Variants in PIEZO2 observed in about 807,000 individuals in gnomAD.
The protein encoded by PIEZO2 is piezo-type mechanosensitive ion channel component 2.
A neutral mutation model predicts 337.3 loss-of-function variants in PIEZO2; 172 were observed. That is an observed-to-expected ratio of 0.51 (90% CI 0.45 to 0.58). The LOEUF (loss-of-function observed/expected upper bound fraction) is 0.58, where lower values mean the gene tolerates loss of function less well. PIEZO2 is among the 20% of genes least tolerant of loss of function. The probability of loss-of-function intolerance (pLI) is 0.00; values close to 1 mark genes in which losing one functional copy is unlikely to be tolerated. For synonymous variants in PIEZO2, 1,251 were observed against 1,228.5 expected (o/e 1.02, Z -0.38); for missense variants, 3,028 against 3,391.3 (o/e 0.89, Z 2.66).
intron 3 of PIEZO2, among the ~76,000 whole-genome samples, chr18:10,956,936 C>T (rs1304819327): frequency 6.7e-6 from 1 of 149,806 alleles, no homozygotes; most frequent in Non-Finnish European, 1.5e-5. Context: ...ACCTTTGTGC[C>T]CCAGCCTAGG....
At chr18:10,780,438 A>C (rs952808195) in intron 17 of PIEZO2, 72 bp from the exon 18 acceptor site, 1 of 700,246 alleles carries the variant, frequency 1.4e-6, no homozygotes, top group South Asian at 1.5e-5. Context: ...GGAGACTGTT[A>C]GACAGAGACG....
At chr18:10,923,471 G>C (rs1188508941) in intron 3 of PIEZO2, among the ~76,000 whole-genome samples, 1 of 152,164 alleles carries the variant, frequency 6.6e-6, no homozygotes, top group Non-Finnish European at 1.5e-5. Context: ...GGCTGTGACT[G>C]TGGTCCGGTG....
intron 31 of PIEZO2, 45 bp from the exon 32 acceptor site, chr18:10,742,660 G>A: frequency 6.5e-7 from 1 of 1,531,738 alleles, no homozygotes; most frequent in Non-Finnish European, 8.8e-7. Context: ...CATATTCATT[G>A]TTCTCATGTG....
chr18:11,000,243 T>G (rs2035481638), intron 2 of PIEZO2, among the ~76,000 whole-genome samples: 1 of 152,172 alleles, frequency 6.6e-6, no homozygotes, highest in Admixed American at 6.5e-5. Context: ...GATATGGAAT[T>G]CCCCACTGTG....
At chr18:10,797,652 T>A (rs945246419) in intron 11 of PIEZO2, 130 bp from the exon 12 acceptor site, 2 of 1,391,598 alleles carry the variant, frequency 1.4e-6, no homozygotes, top group African/African-American at 2.9e-5. Context: ...TTGTTTCCCA[T>A]TCATAAAGCC....
intron 2 of PIEZO2, among the ~76,000 whole-genome samples, chr18:10,999,990 A>G (rs1306336127): frequency 6.6e-6 from 1 of 152,166 alleles, no homozygotes; most frequent in Non-Finnish European, 1.5e-5. Flanking sequence ...AAAAATGGCC[A>G]TTTCACTGGT....
chr18:10,683,013 C>T (rs1042414528), intron 49 of PIEZO2, among the ~76,000 whole-genome samples: 11 of 152,212 alleles, frequency 7.2e-5, no homozygotes, highest in African/African-American at 1.4e-4. Flanking sequence ...TGGAGCTGTG[C>T]TGTCTGGCAT....
chr18:10,867,607 T>A (rs186614721), intron 5 of PIEZO2, among the ~76,000 whole-genome samples: 47 of 152,310 alleles, frequency 3.1e-4, no homozygotes, highest in African/African-American at 1.0e-3. Flanking sequence ...CCTATTTGAA[T>A]AAGCATTTGA....
At chr18:10,905,832 C>T (rs560217471) in intron 4 of PIEZO2, among the ~76,000 whole-genome samples, 1 of 152,258 alleles carries the variant, frequency 6.6e-6, no homozygotes, top group East Asian at 1.9e-4. Flanking sequence ...ATTAATCTAT[C>T]CCACAAACAT....
rs952042321 is a variant in PIEZO2 at position 11,099,894 on chromosome 18, G to C, written c.65-33672C>G. ...GTTATTTCTCTTTTATTCCAGCTGA[G>C]TTGTTATAATCTCTTATGTATCATA... On this transcript the variant is annotated intron_variant, in intron 1 of 55. Transcript: ENST00000674853. The surrounding 1 kb of genome is among the most constrained non-coding windows in gnomAD (Gnocchi z 5.4). Among the ~76,000 whole-genome samples the C allele has an allele frequency of 6.6e-6, 1 of 152,034 alleles. No homozygotes were observed. Among genetic ancestry groups the C allele is most frequent in the Admixed American group, 6.5e-5 (1 of 15,268 alleles).
intron 47 of PIEZO2, among the ~76,000 whole-genome samples, chr18:10,691,706 T>A (rs190493442): frequency 6.7e-6 from 1 of 148,888 alleles, no homozygotes; most frequent in Admixed American, 6.8e-5. Context: ...ATAGTCCAAA[T>A]TAGACTCCTG....
In PIEZO2 at chr18:10,862,409, G is replaced by A. The variant is rs568633865; in HGVS notation, c.493-5198C>T. Among the ~76,000 whole-genome samples the A allele has an allele frequency of 2.6e-5, 4 of 152,084 alleles. No homozygotes were observed. The highest frequency in any genetic ancestry group is 2.9e-5 in the Non-Finnish European group (2 of 68,020). On this transcript the variant is annotated intron_variant, in intron 5 of 55. Coordinates refer to ENST00000674853, the MANE Select transcript of PIEZO2 (RefSeq NM_001378183.1). The surrounding 1 kb of genome is among the most constrained non-coding windows in gnomAD (Gnocchi z 4.4). ...CCCTGAATGAGGGCCTAAACACAAA[G>A]CTCTCATCCCACAATGAGACGGGAT...
At chr18:10,778,484 C>G (rs1202475130) in intron 18 of PIEZO2, among the ~76,000 whole-genome samples, 3 of 152,096 alleles carry the variant, frequency 2.0e-5, no homozygotes, top group Admixed American at 2.0e-4. Flanking sequence ...AGGCGCCCGC[C>G]ACCACACCCA....
rs2042318504 is a variant in PIEZO2, at chr18:10,878,173, C to T, written c.330-6758G>A. ...CCAATCTGCCTAACAGAAGCCCTTGCCTGTTTCATCTGTTTCCCTGGGGAC... is the reference window on the plus strand; with the variant it reads ...CCAATCTGCCTAACAGAAGCCCTTGTCTGTTTCATCTGTTTCCCTGGGGAC... On this transcript the variant is annotated intron_variant, in intron 4 of 55. Transcript: ENST00000674853. The surrounding 1 kb of genome is among the most constrained non-coding windows in gnomAD (Gnocchi z 4.3). Among the ~76,000 whole-genome samples, 1 of 152,222 alleles carries T rather than the reference C, an allele frequency of 6.6e-6. No homozygotes were observed. Among genetic ancestry groups the T allele is most frequent in the South Asian group, 2.1e-4 (1 of 4,834 alleles).
chr18:11,036,203 T>C (rs1461768543), intron 2 of PIEZO2, among the ~76,000 whole-genome samples: 1 of 152,212 alleles, frequency 6.6e-6, no homozygotes, highest in Non-Finnish European at 1.5e-5. Context: ...AAAATAGCTT[T>C]GGTTATTTTA....
intron 33 of PIEZO2, among the ~76,000 whole-genome samples, chr18:10,737,403 A>C (rs1174972198): frequency 6.6e-6 from 1 of 152,184 alleles, no homozygotes; most frequent in African/African-American, 2.4e-5. Flanking sequence ...CACCACCAAC[A>C]ACAGCGCTCT....
intron 39 of PIEZO2, among the ~76,000 whole-genome samples, chr18:10,712,074 A>G (rs2035842971): frequency 6.6e-6 from 1 of 152,196 alleles, no homozygotes; most frequent in African/African-American, 2.4e-5. Context: ...TTGGTTTTTG[A>G]AAAAGGGTTG....
At chr18:10,743,223 T>A (rs1206620375) in intron 31 of PIEZO2, among the ~76,000 whole-genome samples, 8 of 152,178 alleles carry the variant, frequency 5.3e-5, no homozygotes, top group African/African-American at 1.9e-4. Context: ...TGTGGAATAA[T>A]CTAATTTATA....
rs1043252924 is a variant in PIEZO2, at chr18:10,982,720, GTTTA to G, written c.161-3064_161-3061del. Among the ~76,000 whole-genome samples the G allele has an allele frequency of 5.1e-4, 78 of 151,788 alleles. No individual in the cohort carries two copies. The highest frequency in any genetic ancestry group is 1.7e-3 in the African/African-American group (71 of 41,258). ...ATTAAAATATGTTATAAAACCATAT[GTTTA>G]TTTATTTTTTTTTTGAGACAGGGTC... On this transcript the variant is annotated intron_variant, in intron 2 of 55. Transcript: ENST00000674853. This position sits in a 1 kb window ranked among gnomAD's most constrained non-coding sequence, Gnocchi z 4.1.
Sources: gnomAD v4.1 joint callset for allele counts (sites outside exome capture counted in the v4.1 genomes callset) on GRCh38, gnomAD v4.1.1 for gene constraint, Gnocchi (gnomAD v3.1) non-coding constraint, MANE v1.5 for transcripts, NCBI Gene and HGNC (gene_info 2026-07-23, HGNC 2026-07-21) for gene names.